Variants in DYM observed in about 807,000 individuals in gnomAD.
DYM encodes dymeclin.
Under a neutral mutation model 93.1 loss-of-function variants are expected in DYM, and 78 were observed. The observed-to-expected ratio is 0.84, with a 90% CI of 0.70 to 1.01. The LOEUF is 1.01. DYM is among the 50% of genes least tolerant of loss of function. DYM has a pLI of 0.00. For missense variants in DYM, 789 were observed against 845.0 expected (o/e 0.93, Z 0.82); for synonymous variants, 321 against 319.7 (o/e 1.00, Z -0.04).
chr18:49,114,774 C>A (rs1049781458), intron 16 of DYM, among the ~76,000 whole-genome samples: 3 of 152,024 alleles, frequency 2.0e-5, no homozygotes, highest in Non-Finnish European at 2.9e-5. Context: ...TGTACCACCA[C>A]GCCTGGCTCT....
chr18:49,359,778 A>G (rs1408972625), intron 6 of DYM: 1 of 152,230 alleles, frequency 6.6e-6, no homozygotes, highest in African/African-American at 2.4e-5. Context: ...TGAATTACCA[A>G]TGTGAAATGT....
intron 10 of DYM, among the ~76,000 whole-genome samples, chr18:49,273,120 A>G (rs1247981751): frequency 7.2e-5 from 11 of 152,180 alleles, no homozygotes. Context: ...CCACCAAAAC[A>G]AGCTGGTATG....
At chr18:49,067,852 C>T (rs973972301) in intron 17 of DYM, among the ~76,000 whole-genome samples, 2 of 151,558 alleles carry the variant, frequency 1.3e-5, no homozygotes, top group Non-Finnish European at 2.9e-5. Flanking sequence ...ATACTGAGCC[C>T]CCGAGATCTA....
chr18:49,338,583 T>C (rs909996201), intron 6 of DYM, among the ~76,000 whole-genome samples: 32 of 152,140 alleles, frequency 2.1e-4, no homozygotes, highest in Non-Finnish European at 2.6e-4. Flanking sequence ...AGGACCCCAA[T>C]TGATAATTCA....
chr18:49,129,298 A>G (rs1432855398), intron 15 of DYM, among the ~76,000 whole-genome samples: 2 of 152,144 alleles, frequency 1.3e-5, no homozygotes, highest in Non-Finnish European at 2.9e-5. Context: ...AGGAACCTGG[A>G]CTTCAGTTTC....
At chr18:49,110,490 G>GTT (rs562597053) in intron 16 of DYM, among the ~76,000 whole-genome samples, 24 of 147,494 alleles carry the variant, frequency 1.6e-4, no homozygotes, top group African/African-American at 5.7e-4. Flanking sequence ...GTAAGATTTT[G>GTT]TTTTTTTTTC....
intron 11 of DYM, among the ~76,000 whole-genome samples, chr18:49,270,091 G>A (rs533578045): frequency 2.0e-5 from 3 of 152,208 alleles, no homozygotes; most frequent in South Asian, 2.1e-4. Context: ...GCAGCAACAG[G>A]CTATACCTCA....
At chr18:49,336,902 G>C (rs2063715260) in intron 6 of DYM, among the ~76,000 whole-genome samples, 1 of 152,138 alleles carries the variant, frequency 6.6e-6, no homozygotes, top group African/African-American at 2.4e-5. Flanking sequence ...TTTAAAACCT[G>C]GAGTATGAGT....
chr18:49,265,579 G>C (rs1303798969), intron 11 of DYM, among the ~76,000 whole-genome samples: 1 of 152,036 alleles, frequency 6.6e-6, no homozygotes, highest in East Asian at 1.9e-4. Flanking sequence ...GCGAGTTCGA[G>C]ACTAGCCTGA....
chr18:49,425,000 A>T (rs2074122865), intron 2 of DYM, among the ~76,000 whole-genome samples: 1 of 152,172 alleles, frequency 6.6e-6, no homozygotes, highest in Non-Finnish European at 1.5e-5. Flanking sequence ...TGCCATCCCC[A>T]TCAAGCTACC....
At chr18:49,166,734 A>G (rs946478311) in intron 14 of DYM, among the ~76,000 whole-genome samples, 8 of 152,186 alleles carry the variant, frequency 5.3e-5, no homozygotes, top group African/African-American at 1.7e-4. Context: ...AATTTCAGAA[A>G]TTTTTTGAGG....
chr18:49,187,453 T>C (rs2090558068), intron 14 of DYM, among the ~76,000 whole-genome samples: 1 of 152,212 alleles, frequency 6.6e-6, no homozygotes, highest in Non-Finnish European at 1.5e-5. Flanking sequence ...GCTAGTATAA[T>C]GAGCTAAGGC....
chr18:49,309,621 C>T (rs1420506077), intron 8 of DYM, among the ~76,000 whole-genome samples: 1 of 152,114 alleles, frequency 6.6e-6, no homozygotes, highest in Non-Finnish European at 1.5e-5. Flanking sequence ...GGCGACAAAG[C>T]AAGATCCTGT....
chr18:49,319,290 T>C (rs2062285379), intron 8 of DYM, among the ~76,000 whole-genome samples: 2 of 152,170 alleles, frequency 1.3e-5, no homozygotes, highest in Admixed American at 6.5e-5. Context: ...AAAATGTTAA[T>C]AGGCCTGAAA....
chr18:49,073,902 G>T (rs2077098532), intron 17 of DYM, among the ~76,000 whole-genome samples: 1 of 152,184 alleles, frequency 6.6e-6, no homozygotes, highest in Non-Finnish European at 1.5e-5. Context: ...GATAAGTAGA[G>T]AAGTCTGTGC....
At position 49,324,124 on chromosome 18, in the gene DYM, G is replaced by A. The variant is rs550276126; in HGVS notation, c.763+7740C>T. On this transcript the variant is annotated intron_variant, in intron 8 of 17. Coordinates refer to ENST00000675505, the MANE Select transcript of DYM (RefSeq NM_001353214.3). ...CACTCCAGCCTGAGTGACAGAGCCA[G>A]ATAGGCTCTGTCTCAAAAAAAAAAA... Among the ~76,000 whole-genome samples the A allele has an allele frequency of 1.3e-4, 13 of 99,864 alleles. No homozygotes were observed. In the South Asian group the frequency reaches 4.5e-3, roughly 34 times the overall value. 65.5% of individuals were successfully genotyped at this position (99,864 alleles called of 152,430 possible). A position where few individuals can be genotyped will look rare whatever the true frequency, so the allele number is the denominator to read the frequency against.
At chr18:49,045,285 G>A (rs1011079312) in intron 17 of DYM, among the ~76,000 whole-genome samples, 3 of 152,222 alleles carry the variant, frequency 2.0e-5, no homozygotes, top group Non-Finnish European at 4.4e-5. Context: ...GGAAGACATG[G>A]CCCATAGGGC....
At position 49,430,298 on chromosome 18, in the gene DYM, A is replaced by G. The variant is rs1295330180; in HGVS notation, c.97T>C (p.Trp33Arg). Residue 33 changes from tryptophan to arginine, a missense_variant, in exon 2 of 18, where the codon TGG (tryptophan) becomes CGG (arginine). Trp to Arg is a moderately radical substitution (Grantham distance 101). Transcript: ENST00000675505. ...TESISENDPF[W>R]NQLLSFSFPA... ...AAAGAAAATGAGAGAAGCTGATTCC[A>G]GAACGGGTCATTCTCAGAGATAGAT... 6 of 1,614,108 alleles carry G rather than the reference A, an allele frequency of 3.7e-6. No homozygotes were observed. The highest frequency in any genetic ancestry group is 5.1e-6 in the Non-Finnish European group (6 of 1,180,012).
At chr18:49,385,564 G>A (rs912178392) in intron 3 of DYM, among the ~76,000 whole-genome samples, 2 of 151,966 alleles carry the variant, frequency 1.3e-5, no homozygotes, top group African/African-American at 4.8e-5. Flanking sequence ...GTGTGGTGGT[G>A]CATGCCTGTA....
Sources: allele counts gnomAD v4.1 joint callset (sites outside exome capture counted in the v4.1 genomes callset), GRCh38; gene constraint gnomAD v4.1.1; transcripts MANE v1.5; gene names NCBI Gene and HGNC (gene_info 2026-07-23, HGNC 2026-07-21).